Variants in LONP2 observed in about 807,000 individuals in gnomAD.
LONP2 encodes the protein lon protease homolog 2, peroxisomal.
LONP2 carries 60 observed loss-of-function variants against 85.6 expected under a neutral mutation model. That is an observed-to-expected ratio of 0.70 (90% CI 0.57 to 0.87). The LOEUF is 0.87. Ranked by LOEUF, LONP2 falls within the 40% of genes least tolerant of loss-of-function variation. The pLI is 0.00. For missense variants in LONP2, 860 were observed against 1,063.5 expected (o/e 0.81, Z 2.66); for synonymous variants, 395 against 389.7 (o/e 1.01, Z -0.16).
chr16:48,295,276 G>T (rs1270152059), intron 8 of LONP2, among the ~76,000 whole-genome samples: 2 of 152,160 alleles, frequency 1.3e-5, no homozygotes, highest in Non-Finnish European at 2.9e-5. Flanking sequence ...GGAGGCTGAG[G>T]CAGGAGAATC....
At chr16:48,304,279 T>C (rs949084245) in intron 11 of LONP2, among the ~76,000 whole-genome samples, 3 of 152,250 alleles carry the variant, frequency 2.0e-5, no homozygotes, top group Non-Finnish European at 4.4e-5. Context: ...CCATGTGTAA[T>C]AATTTTTCAC....
At chr16:48,270,353 G>A in intron 7 of LONP2, 79 bp downstream of exon 7, 1 of 1,463,078 alleles carries the variant, frequency 6.8e-7, no homozygotes, top group East Asian at 2.3e-5. Context: ...CTTAGGCATA[G>A]CATACATCTA....
chr16:48,352,332 A>G lies in LONP2; in HGVS notation c.*530A>G, dbSNP rs965674372. 6.4e-6 allele frequency: 1 copy of G among 155,478 alleles called. No individual in the cohort carries two copies. Among genetic ancestry groups the G allele is most frequent in the Non-Finnish European group, 1.4e-5 (1 of 70,022 alleles). 9.6% of individuals were successfully genotyped at this position (155,478 alleles called of 1,614,324 possible). On this transcript the variant is annotated 3_prime_UTR_variant, in exon 15 of 15. Transcript: ENST00000285737. ...CTAGGCAAAGATGAAAGTATAGCCA[A>G]CTATTCTTGGCTATATATATATATT...
chr16:48,334,675 G>A (rs1343917143), intron 12 of LONP2: 1 of 582,452 alleles, frequency 1.7e-6, no homozygotes, highest in Non-Finnish European at 3.3e-6. Flanking sequence ...CTTTCTGGAT[G>A]TTGTAGTCTA....
chr16:48,283,731 C>A (rs1349225069), intron 8 of LONP2, among the ~76,000 whole-genome samples: 3 of 152,190 alleles, frequency 2.0e-5, no homozygotes, highest in South Asian at 2.1e-4. Flanking sequence ...ATACTGTTTT[C>A]ATTCCTTATA....
intron 11 of LONP2, among the ~76,000 whole-genome samples, chr16:48,327,138 A>C (rs369855267): frequency 6.6e-6 from 1 of 152,226 alleles, no homozygotes; most frequent in Non-Finnish European, 1.5e-5. Context: ...TGCTGTGTGC[A>C]TCTCTGCTGC....
intron 1 of LONP2, among the ~76,000 whole-genome samples, chr16:48,250,343 G>A (rs1479661223): frequency 6.6e-6 from 1 of 151,970 alleles, no homozygotes; most frequent in South Asian, 2.1e-4. Context: ...TTAGCTGGGC[G>A]TGGTGGTGTG....
chr16:48,348,910 T>C (rs903922730), intron 14 of LONP2, among the ~76,000 whole-genome samples: 3 of 152,210 alleles, frequency 2.0e-5, no homozygotes, highest in African/African-American at 7.2e-5. Context: ...GTTAAAGATA[T>C]AGCACATGTG....
At chr16:48,250,538 A>T in intron 1 of LONP2, among the ~76,000 whole-genome samples, 1 of 152,180 alleles carries the variant, frequency 6.6e-6, no homozygotes, top group African/African-American at 2.4e-5. Context: ...TAGCAATGAC[A>T]TAGCCCAAAT....
chr16:48,348,269 A>C lies in LONP2; in HGVS notation c.2316A>C (p.Thr772=), dbSNP rs769858159. ...RSDVAMTGEI[T]LRGLVLPVGG... ...ATGTAGCCATGACTGGAGAAATTAC[A>C]CTGAGAGGTCTTGTTCTTCCAGTAA... Residue 772 remains threonine, a synonymous_variant, in exon 14 of 15, where the codon ACA becomes ACC. Coordinates refer to ENST00000285737, the MANE Select transcript of LONP2 (RefSeq NM_031490.5). The C allele has an allele frequency of 6.5e-7, 1 of 1,534,706 alleles. No individual in the cohort carries two copies. The highest frequency in any genetic ancestry group is 2.4e-5 in the East Asian group (1 of 41,088).
intron 1 of LONP2, among the ~76,000 whole-genome samples, chr16:48,250,386 G>C (rs1007143547): frequency 5.9e-5 from 9 of 152,038 alleles, no homozygotes; most frequent in Admixed American, 2.6e-4. Context: ...GGAGGCTGAG[G>C]CAGGAGAATC....
rs1374672836 is a variant in LONP2, at chr16:48,354,463, C to T, written c.*2661C>T. 1 of 152,070 alleles carries T rather than the reference C, an allele frequency of 6.6e-6. No individual in the cohort carries two copies. Among genetic ancestry groups the T allele is most frequent in the African/African-American group, 2.4e-5 (1 of 41,378 alleles). The allele number at this position is 152,070 out of a possible 1,614,324, so 9.4% of individuals were successfully genotyped here. On this transcript the variant is annotated 3_prime_UTR_variant, in exon 15 of 15. Coordinates refer to ENST00000285737, the MANE Select transcript of LONP2 (RefSeq NM_031490.5). ...ACCTCAAATGATCCGGCCACCTTGG[C>T]CTCCCAAAATGCTGGCATTACAGGC... is the stretch of plus-strand genomic sequence containing the variant.
In LONP2 at chr16:48,347,534, G is replaced by T. The variant is rs764849776; in HGVS notation, c.1966G>T (p.Val656Leu). The change falls in exon 13 of 15, where the codon GTA (valine) becomes TTA (leucine). Residue 656 changes from valine to leucine, a missense_variant. Coordinates refer to ENST00000285737, the MANE Select transcript of LONP2 (RefSeq NM_031490.5). ...EVSQRLSQPG[V>L]AIGLAWTPLG... ...ATCTCAGCGTTTGAGTCAGCCAGGA[G>T]TAGCAATAGGTTTGGCTTGGACTCC... 7 of 1,614,250 alleles carry T rather than the reference G, an allele frequency of 4.3e-6. No homozygotes were observed. The highest frequency in any genetic ancestry group is 5.9e-6 in the Non-Finnish European group (7 of 1,180,040).
At chr16:48,302,857 G>A (rs1000695604) in intron 10 of LONP2, among the ~76,000 whole-genome samples, 7 of 152,150 alleles carry the variant, frequency 4.6e-5, no homozygotes, top group Non-Finnish European at 8.8e-5. Context: ...ACAAATTACC[G>A]AGGAGTAAAT....
chr16:48,287,281 T>G (rs1454466149), intron 8 of LONP2, among the ~76,000 whole-genome samples: 1 of 152,254 alleles, frequency 6.6e-6, no homozygotes, highest in Non-Finnish European at 1.5e-5. Context: ...CTGGATATAC[T>G]TAGAGCCTGC....
chr16:48,349,986 CT>C (rs138929661), intron 14 of LONP2, among the ~76,000 whole-genome samples: 12,631 of 152,242 alleles, frequency 0.083, 554 homozygotes, highest in Middle Eastern at 0.11. Flanking sequence ...GGCGTGGCAG[CT>C]GACGTCTGTA....
At position 48,347,519 on chromosome 16, in the gene LONP2, T is replaced by C; in HGVS notation, c.1951T>C (p.Leu651=). ...TTCTTCTTTCAAGGTATCTCAGCGTTTGAGTCAGCCAGGAGTAGCAATAGG... is the reference window on the plus strand; with the variant it reads ...TTCTTCTTTCAAGGTATCTCAGCGTCTGAGTCAGCCAGGAGTAGCAATAGG... ...PMYEMEVSQR[L]SQPGVAIGLA... The change falls in exon 13 of 15, where the codon TTG becomes CTG. Residue 651 remains leucine (L), a synonymous_variant. Transcript: ENST00000285737. 1 of 1,614,248 alleles carries C rather than the reference T, an allele frequency of 6.2e-7. No homozygotes were observed. Among genetic ancestry groups the C allele is most frequent in the African/African-American group, 1.3e-5 (1 of 75,062 alleles).
At chr16:48,284,915 A>G (rs1972406976) in intron 8 of LONP2, among the ~76,000 whole-genome samples, 1 of 152,218 alleles carries the variant, frequency 6.6e-6, no homozygotes, top group Admixed American at 6.5e-5. Context: ...TACGTCAACA[A>G]TATATTTACA....
At chr16:48,335,030 G>A (rs960610495) in intron 12 of LONP2, among the ~76,000 whole-genome samples, 2 of 152,132 alleles carry the variant, frequency 1.3e-5, no homozygotes, top group African/African-American at 4.8e-5. Flanking sequence ...TGCTTATTGT[G>A]ATAATATGAC....
Sources: gnomAD v4.1 joint callset for allele counts (sites outside exome capture counted in the v4.1 genomes callset) on GRCh38, gnomAD v4.1.1 for gene constraint, MANE v1.5 for transcripts, NCBI Gene and HGNC (gene_info 2026-07-23, HGNC 2026-07-21) for gene names.